VAPA: variants seen among roughly 807,000 people sequenced by gnomAD.
VAPA encodes the protein vesicle-associated membrane protein-associated protein A.
A neutral mutation model predicts 25.6 loss-of-function variants in VAPA; 6 were observed. The ratio of observed to expected loss-of-function variants is 0.23; its 90% CI spans 0.13 to 0.46. VAPA has a LOEUF of 0.46. Ranked by LOEUF, VAPA falls within the 20% of genes least tolerant of loss-of-function variation. The pLI, the probability that VAPA is intolerant of heterozygous loss-of-function variation, is 0.99. For synonymous variants in VAPA, 112 were observed against 106.2 expected (o/e 1.05, Z -0.34); for missense variants, 244 against 302.1 (o/e 0.81, Z 1.43).
rs2069562011 is a variant in VAPA at position 9,957,331 on chromosome 18, T to TA, written c.*3122dup. On this transcript the variant is annotated 3_prime_UTR_variant, in exon 6 of 6. Coordinates refer to ENST00000400000, the MANE Select transcript of VAPA (RefSeq NM_194434.3). Reference sequence around the variant, plus strand: ...AGCTGCCGCACCCAGCCAAGAAAAATAATACTCTTAAATACTTAGATGTTC... The same window carrying TA: ...AGCTGCCGCACCCAGCCAAGAAAAATAAATACTCTTAAATACTTAGATGTTC... 1 of 152,174 alleles carries TA rather than the reference T, an allele frequency of 6.6e-6. No individual in the cohort carries two copies. The highest frequency in any genetic ancestry group is 2.1e-4 in the South Asian group (1 of 4,832). The allele number at this position is 152,174 out of a possible 1,614,324, so 9.4% of individuals were successfully genotyped here. A position where few individuals can be genotyped will look rare whatever the true frequency, so the allele number is the denominator to read the frequency against.
At position 9,956,510 on chromosome 18, in the gene VAPA, A is replaced by G. The variant is rs970236199; in HGVS notation, c.*2299A>G. ...TATGCCATGGTTGCTTTTGAGATAG[A>G]TTGTAGTCTGGGTAGCATCTTTAAA... On this transcript the variant is annotated 3_prime_UTR_variant, in exon 6 of 6. Transcript: ENST00000400000. The G allele has an allele frequency of 2.6e-5, 4 of 152,532 alleles. No individual in the cohort carries two copies. The highest frequency in any genetic ancestry group is 9.7e-5 in the African/African-American group (4 of 41,412). The allele number at this position is 152,532 out of a possible 1,614,324, so 9.4% of individuals were successfully genotyped here.
At position 9,944,503 on chromosome 18, in the gene VAPA, G is replaced by T. The variant is rs370879706; in HGVS notation, c.418-5892G>T. ...TGGGGGATAGGCTTTAAGTACAAGA[G>T]AGGTTTATGAAATTGTTCAGATTGA... On this transcript the variant is annotated intron_variant, in intron 4 of 5. Coordinates refer to ENST00000400000, the MANE Select transcript of VAPA (RefSeq NM_194434.3). Among the ~76,000 whole-genome samples, 7 of 152,262 alleles carry T rather than the reference G, an allele frequency of 4.6e-5. No homozygotes were observed. The East Asian group carries it at 1.4e-3, about 29-fold the overall frequency.
chr18:9,932,978 G>A (rs2069271819), intron 2 of VAPA, among the ~76,000 whole-genome samples: 1 of 151,938 alleles, frequency 6.6e-6, no homozygotes, highest in South Asian at 2.1e-4. Flanking sequence ...TGTGGTGGTG[G>A]GCGCCTGTAG....
intron 1 of VAPA, among the ~76,000 whole-genome samples, chr18:9,916,509 C>T (rs1238598398): frequency 6.6e-6 from 1 of 152,104 alleles, no homozygotes; most frequent in East Asian, 1.9e-4. Context: ...TGAGAGAATG[C>T]CTGGTACTTA....
chr18:9,931,755 C>T lies in VAPA; in HGVS notation c.80-55C>T, dbSNP rs29159. On this transcript the variant is annotated intron_variant, in intron 1 of 5. Coordinates refer to ENST00000400000, the MANE Select transcript of VAPA (RefSeq NM_194434.3). Reference sequence around the variant, plus strand: ...TATATATTTTCAGTTTTGAATCCTTCGTTGTTGAGAATCCAATTAAATTTT... The same window carrying T: ...TATATATTTTCAGTTTTGAATCCTTTGTTGTTGAGAATCCAATTAAATTTT... 91 of 1,468,180 alleles carry T rather than the reference C, an allele frequency of 6.2e-5. 1 individual carries two copies. Among genetic ancestry groups the T allele is most frequent in the African/African-American group, 3.3e-4 (23 of 70,374 alleles). 90.9% of individuals were successfully genotyped at this position (1,468,180 alleles called of 1,614,324 possible). A position where few individuals can be genotyped will look rare whatever the true frequency, so the allele number is the denominator to read the frequency against.
chr18:9,948,232 TC>T (rs1463986528), intron 4 of VAPA: 1 of 152,158 alleles, frequency 6.6e-6, no homozygotes, highest in Non-Finnish European at 1.5e-5. Flanking sequence ...ATTAGAAAAA[TC>T]TAAATCTAAT....
intron 1 of VAPA, among the ~76,000 whole-genome samples, chr18:9,920,492 G>A (rs2069147582): frequency 6.6e-6 from 1 of 152,252 alleles, no homozygotes; most frequent in East Asian, 1.9e-4. Context: ...TAGTAGAGAC[G>A]GGGTTTTGCC....
rs1253110297 is a variant in VAPA, at chr18:9,937,040, G to C, written c.391G>C (p.Glu131Gln). The change falls in exon 4 of 6, where the codon GAA becomes CAA. Residue 131 changes from glutamate to glutamine, a missense_variant. Transcript: ENST00000400000. The stretch of plus-strand genomic sequence containing the variant: ...GGATTCCAAATTGAGATGCGTATTT[G>C]AAATGCCCAATGAAAATGATAAATT... ...LMDSKLRCVF[E>Q]MPNENDKLND... is the part of the protein sequence containing the mutation. 1 of 1,613,960 alleles carries C rather than the reference G, an allele frequency of 6.2e-7. No individual in the cohort carries two copies. Among genetic ancestry groups the C allele is most frequent in the Non-Finnish European group, 8.5e-7 (1 of 1,179,946 alleles).
At position 9,914,086 on chromosome 18, in the gene VAPA, G is replaced by A. The variant is rs1053525710; in HGVS notation, c.-171G>A. The stretch of plus-strand genomic sequence containing the variant: ...GTCAGTTGTGGGACCCGGAGCTGCT[G>A]ACCCAGCGGGTGGCCCACCGAACCG... On this transcript the variant is annotated 5_prime_UTR_variant, in exon 1 of 6. Transcript: ENST00000400000. The A allele has an allele frequency of 1.8e-6, 1 of 542,692 alleles. No homozygotes were observed. The highest frequency in any genetic ancestry group is 3.2e-6 in the Non-Finnish European group (1 of 312,388). 33.6% of individuals were successfully genotyped at this position (542,692 alleles called of 1,614,324 possible).
At chr18:9,920,907 A>G (rs2069151827) in intron 1 of VAPA, among the ~76,000 whole-genome samples, 1 of 152,130 alleles carries the variant, frequency 6.6e-6, no homozygotes, top group Non-Finnish European at 1.5e-5. Context: ...TTCAAGAATC[A>G]CTTCCTCTTG....
At chr18:9,937,663 ACTTAC>A (rs1157259771) in intron 4 of VAPA, among the ~76,000 whole-genome samples, 2 of 152,212 alleles carry the variant, frequency 1.3e-5, no homozygotes, top group Non-Finnish European at 2.9e-5. Flanking sequence ...GGTTGTAGTC[ACTTAC>A]CTTGTCCATT....
intron 3 of VAPA, chr18:9,936,745 GA>G (rs2069314823): frequency 2.3e-6 from 1 of 425,920 alleles, no homozygotes; most frequent in Admixed American, 4.2e-5. Flanking sequence ...ATGCTAAGAA[GA>G]AAGTCCTATG....
At chr18:9,953,179 T>C (rs1281067381) in intron 5 of VAPA, among the ~76,000 whole-genome samples, 2 of 152,220 alleles carry the variant, frequency 1.3e-5, no homozygotes, top group African/African-American at 2.4e-5. Context: ...TGAGAAACCT[T>C]CTGCTCTAAA....
chr18:9,931,340 TTGAA>T (rs1193258037), intron 1 of VAPA, among the ~76,000 whole-genome samples: 6 of 152,150 alleles, frequency 3.9e-5, no homozygotes, highest in Admixed American at 2.0e-4. Flanking sequence ...AATGAATGGA[TTGAA>T]TGAATGAACA....
At chr18:9,936,934 C>T in intron 3 of VAPA, 52 bp from the exon 4 acceptor site, 1 of 1,545,540 alleles carries the variant, frequency 6.5e-7, no homozygotes. Context: ...GTGAAACTTA[C>T]TTACCATGAT....
rs2069579031 is a variant in VAPA at position 9,958,945 on chromosome 18, CCAT to C, written c.*4738_*4740del. 2.0e-5 allele frequency: 3 copies of C among 152,114 alleles called. No homozygotes were observed. The highest frequency in any genetic ancestry group is 6.5e-5 in the Admixed American group (1 of 15,280). 9.4% of individuals were successfully genotyped at this position (152,114 alleles called of 1,614,324 possible). A position where few individuals can be genotyped will look rare whatever the true frequency, so the allele number is the denominator to read the frequency against. On this transcript the variant is annotated 3_prime_UTR_variant, in exon 6 of 6. Transcript: ENST00000400000. ...TACCTACCTGAGAAATTTATTTTGT[CCAT>C]CATGTATTTCTCAAAGCAAAAGGTG...
At chr18:9,921,747 A>G (rs372570035) in intron 1 of VAPA, among the ~76,000 whole-genome samples, 3 of 152,204 alleles carry the variant, frequency 2.0e-5, no homozygotes, top group African/African-American at 7.2e-5. Flanking sequence ...AATGTGCGAG[A>G]GGACTGTTAA....
chr18:9,921,163 C>T (rs142319649), intron 1 of VAPA, among the ~76,000 whole-genome samples: 146 of 152,296 alleles, frequency 9.6e-4, no homozygotes, highest in African/African-American at 3.4e-3. Flanking sequence ...GATGATTTCT[C>T]CAGTAATTTT....
intron 2 of VAPA, 82 bp downstream of exon 2, chr18:9,932,044 G>A (rs1460540172): frequency 1.0e-6 from 1 of 970,176 alleles, no homozygotes; most frequent in East Asian, 2.6e-5. Flanking sequence ...GGTTTCATCT[G>A]GAGGGAGGGA....
Sources: gnomAD v4.1 joint callset for allele counts (sites outside exome capture counted in the v4.1 genomes callset) on GRCh38, gnomAD v4.1.1 for gene constraint, MANE v1.5 for transcripts, NCBI Gene and HGNC (gene_info 2026-07-23, HGNC 2026-07-21) for gene names.